HNRNPK: variants seen among roughly 807,000 people sequenced by gnomAD.
The protein encoded by HNRNPK is dC-stretch binding protein.
A neutral mutation model predicts 67.0 loss-of-function variants in HNRNPK; 7 were observed. The observed-to-expected ratio is 0.10, with a 90% CI of 0.06 to 0.20. HNRNPK has a LOEUF of 0.20. HNRNPK is among the 10% of genes least tolerant of loss of function. The probability of loss-of-function intolerance (pLI) is 1.00; values close to 1 mark genes in which losing one functional copy is unlikely to be tolerated. For synonymous variants in HNRNPK, 213 were observed against 193.7 expected, an observed-to-expected ratio of 1.10 and a Z score of -0.83; for missense variants, 264 against 606.5, an observed-to-expected ratio of 0.44 and a Z score of 5.93.
At chr9:83,971,045 G>T in intron 13 of HNRNPK, 133 bp from the exon 14 acceptor site, 1 of 876,720 alleles carries the variant, frequency 1.1e-6, no homozygotes, top group South Asian at 1.4e-5. Flanking sequence ...GGGCTCAAGT[G>T]ATCCTCCTGC....
At chr9:83,979,746 A>G (rs1230577100) in intron 1 of HNRNPK, among the ~76,000 whole-genome samples, 1 of 149,146 alleles carries the variant, frequency 6.7e-6, no homozygotes, top group African/African-American at 2.5e-5. Flanking sequence ...ACTGCCCGAG[A>G]CAAAGCCATC....
At chr9:83,975,401 G>C in intron 6 of HNRNPK, 61 bp downstream of exon 6, 1 of 1,412,640 alleles carries the variant, frequency 7.1e-7, no homozygotes, top group Non-Finnish European at 1.0e-6. Flanking sequence ...TAAAAGGCAG[G>C]TAATAAAATA....
At chr9:83,971,845 G>A in intron 11 of HNRNPK, 37 bp downstream of exon 11, 2 of 1,559,978 alleles carry the variant, frequency 1.3e-6, no homozygotes, top group South Asian at 1.2e-5. Context: ...CATAGATGGG[G>A]GAAGAAAAAA....
intron 6 of HNRNPK, 58 bp from the exon 7 acceptor site, chr9:83,974,647 TTG>T (rs770073217): frequency 1.7e-6 from 2 of 1,196,350 alleles, no homozygotes; most frequent in African/African-American, 1.5e-5. Flanking sequence ...AAAATGAGTT[TTG>T]TGTTTGTCAC....
chr9:83,973,781 A>G, intron 8 of HNRNPK, 121 bp downstream of exon 8: 1 of 701,180 alleles, frequency 1.4e-6, no homozygotes, highest in Non-Finnish European at 2.5e-6. Context: ...AAGACCATTC[A>G]TGTATCATGT....
intron 15 of HNRNPK, 141 bp downstream of exon 15, chr9:83,970,596 C>G: frequency 1.5e-6 from 1 of 685,362 alleles, no homozygotes; most frequent in South Asian, 2.0e-5. Flanking sequence ...CAGCTGAAAA[C>G]CCAGCTCACT....
intron 12 of HNRNPK, 138 bp downstream of exon 12, chr9:83,971,534 G>T (rs1031958859): frequency 2.4e-6 from 2 of 836,266 alleles, no homozygotes; most frequent in Non-Finnish European, 4.0e-6. Context: ...GCAAATAACA[G>T]AATTATTTAA....
intron 12 of HNRNPK, 96 bp downstream of exon 12, chr9:83,971,576 A>G (rs1956843874): frequency 9.5e-7 from 1 of 1,053,862 alleles, no homozygotes; most frequent in South Asian, 1.4e-5. Context: ...ACTTGTAAGA[A>G]AAACTTTTTA....
At position 83,973,111 on chromosome 9, in the gene HNRNPK, T is replaced by C. The variant is rs761608526; in HGVS notation, c.517-139A>G. The C allele has an allele frequency of 1.6e-5, 12 of 768,014 alleles. 2 individuals are homozygous for C. In the South Asian group the frequency reaches 1.9e-4, roughly 12 times the overall value. 47.6% of individuals were successfully genotyped at this position (768,014 alleles called of 1,614,324 possible). ...CATTAATTATCACAGGGCTTTGCAA[T>C]GGTATAAAAATTTTGACAAAATAAC... On this transcript the variant is annotated intron_variant, in intron 9 of 16. Coordinates refer to ENST00000376263, the MANE Select transcript of HNRNPK (RefSeq NM_031263.4).
At chr9:83,974,687 T>A in intron 6 of HNRNPK, 98 bp from the exon 7 acceptor site, 1 of 738,992 alleles carries the variant, frequency 1.4e-6, no homozygotes, top group Non-Finnish European at 2.3e-6. Context: ...CACAGAGATG[T>A]AACACATGAT....
At chr9:83,974,031 C>T (rs1352814501) in intron 7 of HNRNPK, 58 bp from the exon 8 acceptor site, 21 of 1,121,212 alleles carry the variant, frequency 1.9e-5, no homozygotes, top group Non-Finnish European at 2.7e-5. Flanking sequence ...AGGCTATTGT[C>T]GCATATATTG....
intron 9 of HNRNPK, 142 bp from the exon 10 acceptor site, chr9:83,973,114 T>C (rs1177286094): frequency 5.2e-6 from 4 of 768,618 alleles, no homozygotes; most frequent in Non-Finnish European, 4.2e-6. Flanking sequence ...TTTGCAATGG[T>C]ATAAAAATTT....
At chr9:83,976,263 C>G (rs1394547814) in intron 5 of HNRNPK, among the ~76,000 whole-genome samples, 4 of 152,098 alleles carry the variant, frequency 2.6e-5, no homozygotes, top group Admixed American at 1.3e-4. Flanking sequence ...CAAATAAGTA[C>G]TCGACACAAA....
At chr9:83,970,465 T>A in intron 15 of HNRNPK, 134 bp from the exon 16 acceptor site, 4 of 736,646 alleles carry the variant, frequency 5.4e-6, no homozygotes, top group Non-Finnish European at 8.8e-6. Flanking sequence ...CCTAAACCTG[T>A]CAAGGTTTGA....
In HNRNPK at chr9:83,971,744, G is replaced by C; in HGVS notation, c.954-18C>G. 5.6e-6 allele frequency: 9 copies of C among 1,611,442 alleles called. No homozygotes were observed. Among genetic ancestry groups the C allele is most frequent in the East Asian group, 2.2e-5 (1 of 44,876 alleles). ...TGAGGTCTCTGCAAGCATAGTACTT[G>C]TTGTAATCTAAACGTGCTTACATGC... On this transcript the variant is annotated intron_variant, in intron 11 of 16. Transcript: ENST00000376263.
At chr9:83,978,486 G>T in intron 1 of HNRNPK, 34 bp from the exon 2 acceptor site, 1 of 682,474 alleles carries the variant, frequency 1.5e-6, no homozygotes, top group Non-Finnish European at 2.1e-6. Flanking sequence ...TTTTGCTTTT[G>T]TTTATTCTTA....
chr9:83,978,479 T>G, intron 1 of HNRNPK, 27 bp from the exon 2 acceptor site: 1 of 788,492 alleles, frequency 1.3e-6, no homozygotes, highest in Non-Finnish European at 1.7e-6. Context: ...AAATCAGTTT[T>G]GCTTTTGTTT....
chr9:83,977,630 G>A (rs1957131589), intron 4 of HNRNPK, 59 bp downstream of exon 4: 1 of 991,226 alleles, frequency 1.0e-6, no homozygotes, highest in Non-Finnish European at 1.6e-6. Flanking sequence ...AGCCAAACCA[G>A]ACCTTAATTT....
chr9:83,978,506 ATT>A, intron 1 of HNRNPK, 54 bp from the exon 2 acceptor site: 2 of 488,652 alleles, frequency 4.1e-6, no homozygotes, highest in South Asian at 7.3e-5. Flanking sequence ...ATTACTGAAT[ATT>A]TGTTTCCGAT....
Sources: gnomAD v4.1 joint callset for allele counts (sites outside exome capture counted in the v4.1 genomes callset) on GRCh38, gnomAD v4.1.1 for gene constraint, MANE v1.5 for transcripts, NCBI Gene and HGNC (gene_info 2026-07-23, HGNC 2026-07-21) for gene names.